Variants in NRXN1 observed in about 807,000 individuals in gnomAD.
NRXN1 encodes the protein neurexin 1.
In NRXN1, 39 loss-of-function variants were observed where a neutral mutation model predicts 150.9. That is an observed-to-expected ratio of 0.26 (90% CI 0.20 to 0.34). The LOEUF (loss-of-function observed/expected upper bound fraction) is 0.34, where lower values mean the gene tolerates loss of function less well. Among genes scored for constraint, NRXN1 ranks in the 10% least tolerant of loss-of-function variants. The probability of loss-of-function intolerance (pLI) is 1.00; values close to 1 mark genes in which losing one functional copy is unlikely to be tolerated. For missense variants in NRXN1, 1,815 were observed against 1,949.9 expected (o/e 0.93, Z 1.30); for synonymous variants, 924 against 757.0 (o/e 1.22, Z -3.62).
At chr2:50,961,964 T>TA (rs34227089) in intron 2 of NRXN1, among the ~76,000 whole-genome samples, 77,737 of 147,512 alleles carry the variant, frequency 0.53, 20,956 homozygotes, top group East Asian at 0.76. Context: ...GCCTGCTAGT[T>TA]AAAAAAAAAA....
intron 22 of NRXN1, among the ~76,000 whole-genome samples, chr2:49,925,688 A>C (rs913548705): frequency 6.6e-6 from 1 of 152,216 alleles, no homozygotes; most frequent in Non-Finnish European, 1.5e-5. Context: ...AAATTAAAGC[A>C]ATCTGCAACA....
At chr2:50,954,610 C>T (rs150487257) in intron 2 of NRXN1, among the ~76,000 whole-genome samples, 85 of 152,178 alleles carry the variant, frequency 5.6e-4, no homozygotes, top group Non-Finnish European at 9.9e-4. Flanking sequence ...TATGCTGGTA[C>T]GCAGTAGGCA....
chr2:50,482,976 G>A (rs140653606), intron 15 of NRXN1, among the ~76,000 whole-genome samples: 7 of 149,646 alleles, frequency 4.7e-5, no homozygotes, highest in East Asian at 3.9e-4. Flanking sequence ...GCTTGAACCC[G>A]GGAGGCAGTG....
intron 17 of NRXN1, among the ~76,000 whole-genome samples, chr2:50,368,438 G>T (rs1347555842): frequency 2.0e-5 from 3 of 151,992 alleles, no homozygotes; most frequent in Non-Finnish European, 4.4e-5. Context: ...AAACAAAAAT[G>T]TAACAGGCAA....
intron 18 of NRXN1, among the ~76,000 whole-genome samples, chr2:50,231,180 G>A (rs568908518): frequency 1.3e-5 from 2 of 152,026 alleles, no homozygotes; most frequent in African/African-American, 4.8e-5. Context: ...TAAAATCAGT[G>A]CATCTGTTGA....
intron 8 of NRXN1, among the ~76,000 whole-genome samples, chr2:50,585,982 A>G (rs1004362227): frequency 1.6e-4 from 24 of 152,238 alleles, no homozygotes; most frequent in African/African-American, 5.8e-4. Context: ...AGCCACACAG[A>G]TTTTCTTTCT....
intron 5 of NRXN1, among the ~76,000 whole-genome samples, chr2:50,706,381 C>T (rs528039610): frequency 1.8e-4 from 28 of 152,232 alleles, no homozygotes; most frequent in African/African-American, 6.7e-4. Context: ...ATATTTTATA[C>T]AACAGGTTAG....
At chr2:50,317,504 A>T (rs999240887) in intron 17 of NRXN1, among the ~76,000 whole-genome samples, 5 of 151,808 alleles carry the variant, frequency 3.3e-5, no homozygotes, top group Non-Finnish European at 7.4e-5. Flanking sequence ...TTCTATTACA[A>T]TTGCTATACC....
chr2:50,392,047 T>A lies in NRXN1; in HGVS notation c.3364+73395A>T, dbSNP rs115440509. Reference sequence around the variant, plus strand: ...ACTTATTAATTTATCAAAGTTGCCATCTATGATAATCATTGAGGTGTCCCT... The same window carrying A: ...ACTTATTAATTTATCAAAGTTGCCAACTATGATAATCATTGAGGTGTCCCT... On this transcript the variant is annotated intron_variant, in intron 17 of 22. Transcript: ENST00000401669. 4.6e-3 allele frequency among the ~76,000 whole-genome samples: 699 copies of A among 152,290 alleles called. 5 individuals carry two copies. Among genetic ancestry groups the A allele is most frequent in the Non-Finnish European group, 6.6e-3 (448 of 68,002 alleles).
At chr2:50,953,619 T>C (rs1691781032) in intron 2 of NRXN1, among the ~76,000 whole-genome samples, 1 of 151,648 alleles carries the variant, frequency 6.6e-6, no homozygotes, top group South Asian at 2.1e-4. Flanking sequence ...TGCCATCGCA[T>C]GATCTCGGCT....
chr2:50,068,552 T>C (rs901606606), intron 19 of NRXN1, among the ~76,000 whole-genome samples: 17 of 152,170 alleles, frequency 1.1e-4, no homozygotes, highest in Admixed American at 1.1e-3. Flanking sequence ...ACTAGCTGGA[T>C]CAGTAGCATA....
chr2:50,619,610 C>A (rs1679628548), intron 8 of NRXN1: 2 of 299,902 alleles, frequency 6.7e-6, no homozygotes, highest in East Asian at 1.1e-4. Flanking sequence ...CGTTGCTTCT[C>A]CTATAGGCTA....
At chr2:50,801,424 C>T (rs942006769) in intron 5 of NRXN1, among the ~76,000 whole-genome samples, 3 of 152,110 alleles carry the variant, frequency 2.0e-5, no homozygotes, top group African/African-American at 7.2e-5. Context: ...AAGTTTCAGA[C>T]TCTGTGAATA....
At chr2:50,234,064 C>A (rs1290947748) in intron 18 of NRXN1, among the ~76,000 whole-genome samples, 1 of 151,850 alleles carries the variant, frequency 6.6e-6, no homozygotes, top group Non-Finnish European at 1.5e-5. Context: ...GTCTGGTTTT[C>A]ATTTTTTCTT....
intron 5 of NRXN1, among the ~76,000 whole-genome samples, chr2:50,646,708 CTTTTT>C (rs552231598): frequency 5.6e-5 from 6 of 107,438 alleles, no homozygotes; most frequent in African/African-American, 1.0e-4. Context: ...TTCATGTTGT[CTTTTT>C]TTTTTTTTTT....
At position 50,407,898 on chromosome 2, in the gene NRXN1, A is replaced by C. The variant is rs557609730; in HGVS notation, c.3364+57544T>G. Reference sequence around the variant, plus strand: ...GAAAAAGGAATATGGGAAAGACCACAGCCTTTATTCTCTGTACATGGCTTG... The same window carrying C: ...GAAAAAGGAATATGGGAAAGACCACCGCCTTTATTCTCTGTACATGGCTTG... On this transcript the variant is annotated intron_variant, in intron 17 of 22. Transcript: ENST00000401669. 7.9e-5 allele frequency among the ~76,000 whole-genome samples: 12 copies of C among 152,318 alleles called. No individual in the cohort carries two copies. In the East Asian group the frequency reaches 2.3e-3, roughly 29 times the overall value.
intron 5 of NRXN1, among the ~76,000 whole-genome samples, chr2:50,830,782 T>C (rs1207204838): frequency 1.3e-5 from 2 of 151,212 alleles, no homozygotes; most frequent in African/African-American, 2.4e-5. Context: ...ACAATTAACT[T>C]TGAAAAACTG....
At chr2:50,973,773 G>T (rs1012995961) in intron 2 of NRXN1, among the ~76,000 whole-genome samples, 1 of 152,058 alleles carries the variant, frequency 6.6e-6, no homozygotes, top group Non-Finnish European at 1.5e-5. Flanking sequence ...CTGTATCACA[G>T]AAGTTAATTT....
At chr2:50,107,520 C>CATATATATAT (rs150310372) in intron 18 of NRXN1, among the ~76,000 whole-genome samples, 18 of 136,060 alleles carry the variant, frequency 1.3e-4, no homozygotes, top group African/African-American at 4.5e-4. Flanking sequence ...TTCCAGACTA[C>CATATATATAT]ATATATATAT....
Sources: gnomAD v4.1 joint callset for allele counts (sites outside exome capture counted in the v4.1 genomes callset) on GRCh38, gnomAD v4.1.1 for gene constraint, MANE v1.5 for transcripts, NCBI Gene and HGNC (gene_info 2026-07-23, HGNC 2026-07-21) for gene names.